Variants in MVB12B observed in about 807,000 individuals in gnomAD.
MVB12B encodes multivesicular body subunit 12B.
Under a neutral mutation model 41.6 loss-of-function variants are expected in MVB12B, and 16 were observed. That is an observed-to-expected ratio of 0.38 (90% confidence interval 0.26 to 0.58). The LOEUF is 0.58. Among genes scored for constraint, MVB12B ranks in the 20% least tolerant of loss-of-function variants. The pLI is 0.62. For missense variants in MVB12B, 274 were observed against 380.2 expected (o/e 0.72, Z 2.32); for synonymous variants, 133 against 139.7 (o/e 0.95, Z 0.34).
At chr9:126,398,069 C>A (rs915605702) in intron 6 of MVB12B, among the ~76,000 whole-genome samples, 8 of 152,104 alleles carry the variant, frequency 5.3e-5, no homozygotes, top group African/African-American at 1.9e-4. Flanking sequence ...CCTCCTCCTC[C>A]CCTGGCTTCT....
Position 126,468,071 on chromosome 9 carries a change from A to G in MVB12B, c.758-13298A>G, listed in dbSNP as rs1244879925. 3.3e-5 allele frequency among the ~76,000 whole-genome samples: 5 copies of G among 152,208 alleles called. No individual in the cohort carries two copies. Among genetic ancestry groups the G allele is most frequent in the Non-Finnish European group, 7.3e-5 (5 of 68,030 alleles). ...ACATATTAAAACCGACTTTATAATG[A>G]TACATCTGATTTTGATCCAATATCA... On this transcript the variant is annotated intron_variant, in intron 7 of 9. Transcript: ENST00000361171. This position sits in a 1 kb window ranked among gnomAD's most constrained non-coding sequence, Gnocchi z 4.3.
intron 7 of MVB12B, among the ~76,000 whole-genome samples, chr9:126,426,489 G>T (rs1380033666): frequency 6.6e-6 from 1 of 152,024 alleles, no homozygotes; most frequent in Non-Finnish European, 1.5e-5. Context: ...TCCTGGTCAG[G>T]ACTCTTAGTG....
chr9:126,493,847 CT>C lies in MVB12B; in HGVS notation c.874-9326del, dbSNP rs199837432. On this transcript the variant is annotated intron_variant, in intron 9 of 9. Transcript: ENST00000361171. ...CTGGAGCTAGATATCCCTCTGGCTT[CT>C]TTTACTGTTTCTGATGGCTTTCCAG... is the stretch of plus-strand genomic sequence containing the variant. 2.2e-3 allele frequency among the ~76,000 whole-genome samples: 336 copies of C among 152,316 alleles called. 1 individual carries two copies. Among genetic ancestry groups the C allele is most frequent in the African/African-American group, 7.0e-3 (293 of 41,570 alleles).
chr9:126,426,115 C>T (rs1427339504), intron 7 of MVB12B, among the ~76,000 whole-genome samples: 1 of 152,202 alleles, frequency 6.6e-6, no homozygotes, highest in East Asian at 1.9e-4. Context: ...AGCTGCTTCA[C>T]GTTCCAATGG....
At chr9:126,487,774 A>G (rs1305605011) in intron 9 of MVB12B, among the ~76,000 whole-genome samples, 1 of 152,042 alleles carries the variant, frequency 6.6e-6, no homozygotes, top group Non-Finnish European at 1.5e-5. Flanking sequence ...CTCAAAAAAA[A>G]AAAAAAAAAT....
At chr9:126,357,418 A>G (rs1274468272) in intron 2 of MVB12B, among the ~76,000 whole-genome samples, 1 of 152,256 alleles carries the variant, frequency 6.6e-6, no homozygotes, top group Non-Finnish European at 1.5e-5. Context: ...ACTTTAAAAG[A>G]AACTGCCAAA....
chr9:126,370,935 C>T (rs571372750), intron 2 of MVB12B, among the ~76,000 whole-genome samples: 1 of 152,180 alleles, frequency 6.6e-6, no homozygotes, highest in Non-Finnish European at 1.5e-5. Flanking sequence ...CATAAATATA[C>T]TCCACATTTT....
intron 6 of MVB12B, among the ~76,000 whole-genome samples, chr9:126,398,143 T>C (rs1403496472): frequency 6.6e-6 from 1 of 151,922 alleles, no homozygotes; most frequent in African/African-American, 2.4e-5. Context: ...CGCAGAGGAC[T>C]TCTCTCCCGG....
intron 7 of MVB12B, among the ~76,000 whole-genome samples, chr9:126,451,126 G>A (rs1034273333): frequency 6.6e-6 from 1 of 152,194 alleles, no homozygotes. Flanking sequence ...GGAGGAAGAG[G>A]CTTGGCAGGC....
At chr9:126,501,233 G>C (rs1833949406) in intron 9 of MVB12B, among the ~76,000 whole-genome samples, 1 of 152,256 alleles carries the variant, frequency 6.6e-6, no homozygotes, top group Non-Finnish European at 1.5e-5. Context: ...CAGATGCTCA[G>C]TGATCGCTTG....
chr9:126,342,351 G>A (rs1279794916), intron 2 of MVB12B, among the ~76,000 whole-genome samples: 2 of 152,094 alleles, frequency 1.3e-5, no homozygotes, highest in Non-Finnish European at 2.9e-5. Context: ...GTACCTTTAG[G>A]GTCATCCTGC....
chr9:126,474,177 GA>G (rs1202641672), intron 7 of MVB12B, among the ~76,000 whole-genome samples: 5 of 152,212 alleles, frequency 3.3e-5, no homozygotes, highest in Non-Finnish European at 7.3e-5. Context: ...GGTCAGGGGT[GA>G]AAATGTGTGT....
chr9:126,331,171 G>A (rs1019640214), intron 1 of MVB12B, among the ~76,000 whole-genome samples: 1 of 152,150 alleles, frequency 6.6e-6, no homozygotes, highest in East Asian at 1.9e-4. Context: ...AATTTTCTGC[G>A]GAACCACCAC....
intron 2 of MVB12B, among the ~76,000 whole-genome samples, chr9:126,341,762 C>A (rs981910059): frequency 6.6e-6 from 1 of 152,346 alleles, no homozygotes; most frequent in Non-Finnish European, 1.5e-5. Flanking sequence ...CCTCCTCCCC[C>A]AGTGGTGACA....
chr9:126,327,973 T>A (rs1217288567), intron 1 of MVB12B, among the ~76,000 whole-genome samples: 1 of 152,172 alleles, frequency 6.6e-6, no homozygotes, highest in Non-Finnish European at 1.5e-5. Context: ...CTCTCGTGGT[T>A]CCTTCTCAGT....
chr9:126,491,943 G>A (rs1483221828), intron 9 of MVB12B, among the ~76,000 whole-genome samples: 1 of 152,058 alleles, frequency 6.6e-6, no homozygotes, highest in Non-Finnish European at 1.5e-5. Flanking sequence ...CCCATAAATT[G>A]TTGAGGTTCT....
intron 7 of MVB12B, among the ~76,000 whole-genome samples, chr9:126,425,436 G>A (rs1364482474): frequency 2.0e-5 from 3 of 151,968 alleles, no homozygotes; most frequent in Non-Finnish European, 2.9e-5. Context: ...TGTTGCTTTT[G>A]TAGTAAGAAA....
chr9:126,341,776 C>T (rs1829451818), intron 2 of MVB12B, among the ~76,000 whole-genome samples: 1 of 152,180 alleles, frequency 6.6e-6, no homozygotes, highest in African/African-American at 2.4e-5. Flanking sequence ...GGTGACAACC[C>T]AAAATGTCTC....
At chr9:126,444,400 A>G (rs1326945548) in intron 7 of MVB12B, among the ~76,000 whole-genome samples, 6 of 151,806 alleles carry the variant, frequency 4.0e-5, no homozygotes, top group Admixed American at 2.0e-4. Context: ...ATTTTTATCA[A>G]TTGGAAGGTG....
Sources: gnomAD v4.1 joint callset for allele counts (sites outside exome capture counted in the v4.1 genomes callset) on GRCh38, gnomAD v4.1.1 for gene constraint, Gnocchi (gnomAD v3.1) non-coding constraint, MANE v1.5 for transcripts, NCBI Gene and HGNC (gene_info 2026-07-23, HGNC 2026-07-21) for gene names.